Variants in GARIN1B observed in about 807,000 individuals in gnomAD.
GARIN1B encodes Golgi-associated RAB2 interactor protein 1B.
chr7:128,716,704 A>G, the GARIN1B span: 1 of 929,038 alleles, frequency 1.1e-6, no homozygotes, highest in Middle Eastern at 3.0e-4. Context: ...CCCTCAACAA[A>G]GAATATCCAA....
the GARIN1B span, chr7:128,718,769 G>A: frequency 2.9e-5 from 46 of 1,571,788 alleles, no homozygotes; most frequent in Admixed American, 3.0e-4. Flanking sequence ...TCATTTTAAC[G>A]AAGACAGGGT....
the GARIN1B span, chr7:128,716,884 G>T: frequency 1.2e-6 from 2 of 1,613,882 alleles, no homozygotes; most frequent in South Asian, 2.2e-5. Flanking sequence ...TGACCTCCTC[G>T]GTACCCTGCC....
the GARIN1B span, chr7:128,715,402 C>G: frequency 1.2e-5 from 19 of 1,600,654 alleles, no homozygotes; most frequent in East Asian, 2.2e-5. Context: ...GACAGAGATC[C>G]CAGGACAAAT....
At chr7:128,720,391 G>T in the GARIN1B span, among the ~76,000 whole-genome samples, 1 of 151,708 alleles carries the variant, frequency 6.6e-6, no homozygotes, top group Non-Finnish European at 1.5e-5. Context: ...GTAGAGACAG[G>T]GTTTCACCAT....
At chr7:128,710,837 G>A in the GARIN1B span, among the ~76,000 whole-genome samples, 1 of 151,886 alleles carries the variant, frequency 6.6e-6, no homozygotes, top group Non-Finnish European at 1.5e-5. Context: ...ATTTTTAGTA[G>A]AGAAGAGACG....
chr7:128,716,752 G>A, the GARIN1B span: 11 of 1,439,390 alleles, frequency 7.6e-6, no homozygotes, highest in Non-Finnish European at 1.0e-5. Context: ...AGAAACCCTG[G>A]GCTGAAACAG....
At chr7:128,715,757 G>A in the GARIN1B span, 31 of 1,367,276 alleles carry the variant, frequency 2.3e-5, no homozygotes, top group Admixed American at 4.9e-4. Flanking sequence ...ATATGACTGA[G>A]AGAGTCCATC....
chr7:128,722,122 T>G, the GARIN1B span, among the ~76,000 whole-genome samples: 2 of 152,246 alleles, frequency 1.3e-5, no homozygotes, highest in African/African-American at 4.8e-5. Flanking sequence ...TTATCCTCAT[T>G]GAAGAAGTTG....
At chr7:128,718,307 C>T in the GARIN1B span, among the ~76,000 whole-genome samples, 1 of 152,022 alleles carries the variant, frequency 6.6e-6, no homozygotes, top group African/African-American at 2.4e-5. Context: ...TGGCACATGC[C>T]TGTAATCCCA....
the GARIN1B span, among the ~76,000 whole-genome samples, chr7:128,716,462 G>T: frequency 1.3e-3 from 201 of 152,254 alleles, no homozygotes; most frequent in East Asian, 6.9e-3. Context: ...TAATTCCTGT[G>T]GGCAATTGTT....
At chr7:128,730,654 C>CT in the GARIN1B span, among the ~76,000 whole-genome samples, 51,490 of 150,078 alleles carry the variant, frequency 0.34, 10,402 homozygotes, top group East Asian at 0.6. Context: ...ACCACCAACT[C>CT]TTTTTTTTTT....
At chr7:128,726,960 C>T in the GARIN1B span, 2 of 1,193,608 alleles carry the variant, frequency 1.7e-6, no homozygotes, top group African/African-American at 1.5e-5. Context: ...TCCTGGTTGT[C>T]CTGGTGCTGT....
the GARIN1B span, among the ~76,000 whole-genome samples, chr7:128,726,272 C>T: frequency 7.0e-4 from 106 of 152,294 alleles, no homozygotes; most frequent in Non-Finnish European, 1.2e-3. Flanking sequence ...TGTGGAAAAA[C>T]GAGCTAGGGA....
chr7:128,719,548 T>G, the GARIN1B span, among the ~76,000 whole-genome samples: 1 of 152,078 alleles, frequency 6.6e-6, no homozygotes, highest in Non-Finnish European at 1.5e-5. Flanking sequence ...CTTAGGCATT[T>G]CATATAAATG....
chr7:128,718,386 C>T, the GARIN1B span, among the ~76,000 whole-genome samples: 321 of 147,530 alleles, frequency 2.2e-3, 1 homozygote, highest in Admixed American at 5.4e-3. Context: ...GAGCCAAGAT[C>T]GTGCCATTGC....
chr7:128,714,202 T>C, the GARIN1B span: 1 of 1,421,976 alleles, frequency 7.0e-7, no homozygotes, highest in East Asian at 2.5e-5. Flanking sequence ...GCCTCCATGC[T>C]TGTCCTTTGT....
At chr7:128,719,605 C>T in the GARIN1B span, among the ~76,000 whole-genome samples, 2 of 151,546 alleles carry the variant, frequency 1.3e-5, no homozygotes, top group African/African-American at 4.9e-5. Flanking sequence ...TTTCACTTAG[C>T]GTAACATTTT....
the GARIN1B span, among the ~76,000 whole-genome samples, chr7:128,720,004 C>T: frequency 2.5e-4 from 38 of 151,698 alleles, 1 homozygote; most frequent in African/African-American, 8.9e-4. Context: ...CCGGCATTGA[C>T]CATTTTTCAA....
chr7:128,717,488 C>A, the GARIN1B span, among the ~76,000 whole-genome samples: 5 of 150,518 alleles, frequency 3.3e-5, no homozygotes, highest in South Asian at 4.2e-4. Context: ...AGACTATCGC[C>A]CAGGCTGGAG....
Sources: gnomAD v4.1 joint callset for allele counts (sites outside exome capture counted in the v4.1 genomes callset) on GRCh38, gnomAD v4.1.1 for gene constraint, MANE v1.5 for transcripts, NCBI Gene and HGNC (gene_info 2026-07-23, HGNC 2026-07-21) for gene names.